Variants in MAPKAPK3 observed in about 807,000 individuals in gnomAD.
MAPKAPK3 encodes MAP kinase-activated protein kinase 3.
In MAPKAPK3, 35 loss-of-function variants were observed where a neutral mutation model predicts 49.2. The observed-to-expected ratio is 0.71, with a 90% CI of 0.54 to 0.94. The LOEUF (loss-of-function observed/expected upper bound fraction) is 0.94. MAPKAPK3 is among the 40% of genes least tolerant of loss of function. The pLI, the probability that MAPKAPK3 is intolerant of heterozygous loss-of-function variation, is 0.00. For missense variants in MAPKAPK3, 398 were observed against 493.1 expected (o/e 0.81, Z 1.83); for synonymous variants, 178 against 188.7 (o/e 0.94, Z 0.46).
intron 2 of MAPKAPK3, among the ~76,000 whole-genome samples, chr3:50,634,771 G>A (rs544858064): frequency 1.6e-4 from 24 of 152,310 alleles, no homozygotes; most frequent in Non-Finnish European, 5.9e-5. Flanking sequence ...GATTACAGGC[G>A]TAAGCCACCG....
chr3:50,620,439 G>T (rs1221186639), intron 2 of MAPKAPK3, among the ~76,000 whole-genome samples: 4 of 152,186 alleles, frequency 2.6e-5, no homozygotes, highest in Non-Finnish European at 5.9e-5. Flanking sequence ...CTTATAACTT[G>T]ACCTTGTTCA....
At chr3:50,646,358 A>G in intron 8 of MAPKAPK3, 94 bp downstream of exon 8, 1 of 1,558,364 alleles carries the variant, frequency 6.4e-7, no homozygotes, top group South Asian at 1.1e-5. Flanking sequence ...ACCTGTGTTC[A>G]AATCTTGGCT....
At chr3:50,637,765 G>A (rs529897423) in intron 2 of MAPKAPK3, among the ~76,000 whole-genome samples, 1 of 152,070 alleles carries the variant, frequency 6.6e-6, no homozygotes, top group African/African-American at 2.4e-5. Context: ...TCTGAATTGA[G>A]CCCTGAAGTT....
exon 1 of MAPKAPK3, chr3:50,611,946 C>T (rs542332876): frequency 4.7e-6 from 2 of 421,808 alleles, no homozygotes; most frequent in Admixed American, 4.5e-5. Flanking sequence ...GCGCGGGCCC[C>T]GTCGCCGGGT....
At position 50,646,256 on chromosome 3, in the gene MAPKAPK3, C is replaced by T; in HGVS notation, c.821C>T (p.Ser274Phe). Residue 274 changes from serine to phenylalanine, a missense_variant, in exon 8 of 11, where the codon TCT (serine) becomes TTT (phenylalanine). By Grantham distance (155) the Ser-to-Phe change is radical. Transcript: ENST00000621469. ...GFPNPEWSEVSEDAKQLIRLL... is the reference protein window; with the variant it reads ...GFPNPEWSEVFEDAKQLIRLL... ...CCCAATCCTGAGTGGTCAGAAGTCT[C>T]TGAGGATGGTGAGTGAACCTCTCTG... 6.2e-7 allele frequency: 1 copy of T among 1,614,136 alleles called. No individual in the cohort carries two copies. The highest frequency in any genetic ancestry group is 8.5e-7 in the Non-Finnish European group (1 of 1,180,014).
intron 2 of MAPKAPK3, among the ~76,000 whole-genome samples, chr3:50,621,384 G>A (rs781552951): frequency 2.6e-5 from 4 of 152,102 alleles, no homozygotes; most frequent in Non-Finnish European, 5.9e-5. Context: ...TTGAAGTCTG[G>A]AGCTCGAGAC....
intron 9 of MAPKAPK3, 53 bp from the exon 10 acceptor site, chr3:50,647,070 T>G: frequency 7.0e-7 from 1 of 1,427,846 alleles, no homozygotes; most frequent in Non-Finnish European, 9.7e-7. Flanking sequence ...GGGGAACCAG[T>G]GCTGTCCCAG....
intron 2 of MAPKAPK3, among the ~76,000 whole-genome samples, chr3:50,622,242 T>C (rs1266356082): frequency 6.6e-6 from 1 of 152,128 alleles, no homozygotes; most frequent in Non-Finnish European, 1.5e-5. Flanking sequence ...TCACAGGGAT[T>C]TGAGATTACA....
At position 50,647,866 on chromosome 3, in the gene MAPKAPK3, TA is replaced by T. The variant is rs745676238; in HGVS notation, c.997-27del. 8.1e-6 allele frequency: 13 copies of T among 1,600,766 alleles called. No homozygotes were observed. The South Asian group carries it at 1.5e-4, about 18-fold the overall frequency. On this transcript the variant is annotated intron_variant, in intron 10 of 10. Transcript: ENST00000621469. ...CTAAGGTCAGTACATCCTGACCTCT[TA>T]GTGCCCACCATCCTGTCTGTCCCCA...
upstream of MAPKAPK3, chr3:50,611,813 G>A: frequency 1.1e-6 from 1 of 940,706 alleles, no homozygotes; most frequent in African/African-American, 1.7e-5. Context: ...GGGCGAGGGG[G>A]GCGGGCCAGA....
intron 2 of MAPKAPK3, among the ~76,000 whole-genome samples, chr3:50,638,501 C>A (rs1358699835): frequency 1.3e-5 from 2 of 152,140 alleles, no homozygotes. Context: ...GAGTGTCTGC[C>A]CACAGCAGCC....
At position 50,646,744 on chromosome 3, in the gene MAPKAPK3, G is replaced by A; in HGVS notation, c.834G>A (p.Lys278=). 1 of 1,614,008 alleles carries A rather than the reference G, an allele frequency of 6.2e-7. No homozygotes were observed. The part of the protein sequence containing the change: ...PEWSEVSEDA[K]QLIRLLLKTD... ...TCTCTTCCCTGGCCCCCCTAGCCAA[G>A]CAGCTGATCCGCCTCCTGTTGAAGA... Residue 278 remains lysine (K), a synonymous_variant, in exon 9 of 11, where the codon AAG becomes AAA. Transcript: ENST00000621469.
intron 2 of MAPKAPK3, among the ~76,000 whole-genome samples, chr3:50,619,543 A>G (rs2107572476): frequency 6.6e-6 from 1 of 152,276 alleles, no homozygotes; most frequent in Non-Finnish European, 1.5e-5. Context: ...GAGAGTTTTC[A>G]TCCCCCTCTG....
intron 2 of MAPKAPK3, among the ~76,000 whole-genome samples, chr3:50,626,561 C>T (rs1312221304): frequency 6.6e-6 from 1 of 152,180 alleles, no homozygotes; most frequent in East Asian, 1.9e-4. Context: ...AGATGCTCAC[C>T]CAACATTAAC....
At chr3:50,635,947 C>CA (rs2033030570) in intron 2 of MAPKAPK3, among the ~76,000 whole-genome samples, 2 of 87,904 alleles carry the variant, frequency 2.3e-5, no homozygotes, top group Non-Finnish European at 4.5e-5. Flanking sequence ...AAAAAAAAAA[C>CA]CAAAAAAAAA....
At chr3:50,611,689 C>T (rs954130659), upstream of MAPKAPK3, 122 of 1,461,788 alleles carry the variant, frequency 8.3e-5, no homozygotes, top group Non-Finnish European at 1.1e-4. Flanking sequence ...GGGGACTCGG[C>T]TGGACGGCGG....
chr3:50,611,741 G>A (rs1037287321), upstream of MAPKAPK3: 119 of 1,390,960 alleles, frequency 8.6e-5, no homozygotes, highest in Non-Finnish European at 1.1e-4. Flanking sequence ...GTGCTGGGTA[G>A]GCTCCCGGGG....
At chr3:50,632,599 T>G (rs909766409) in intron 2 of MAPKAPK3, among the ~76,000 whole-genome samples, 4 of 152,272 alleles carry the variant, frequency 2.6e-5, no homozygotes, top group African/African-American at 9.6e-5. Context: ...TCTCTCATAC[T>G]GTGAGTTGTC....
upstream of MAPKAPK3, chr3:50,611,736 G>A (rs1453319759): frequency 1.4e-6 from 2 of 1,403,522 alleles, no homozygotes; most frequent in Non-Finnish European, 9.3e-7. Flanking sequence ...AGCGCGTGCT[G>A]GGTAGGCTCC....
Sources: allele counts gnomAD v4.1 joint callset (sites outside exome capture counted in the v4.1 genomes callset), GRCh38; gene constraint gnomAD v4.1.1; transcripts MANE v1.5; gene names NCBI Gene and HGNC (gene_info 2026-07-23, HGNC 2026-07-21).